CLCA1: variants seen among roughly 807,000 people sequenced by gnomAD.
The protein encoded by CLCA1 is calcium-activated chloride channel regulator 1.
Under a neutral mutation model 85.6 loss-of-function variants are expected in CLCA1, and 59 were observed. The observed-to-expected ratio is 0.69, with a 90% CI of 0.56 to 0.86. CLCA1 has a LOEUF of 0.86. Ranked by LOEUF, CLCA1 falls within the 40% of genes least tolerant of loss-of-function variation. CLCA1 has a pLI of 0.00. For missense variants in CLCA1, 1,022 were observed against 1,101.4 expected (o/e 0.93, Z 1.02); for synonymous variants, 396 against 398.3 (o/e 0.99, Z 0.07).
intron 11 of CLCA1, among the ~76,000 whole-genome samples, 158 bp downstream of exon 11, chr1:86,494,606 A>G (rs922588936): frequency 1.3e-5 from 2 of 152,218 alleles, no homozygotes; most frequent in East Asian, 3.8e-4. Context: ...CAATTCCTAC[A>G]TTTCAAAATG....
At position 86,500,052 on chromosome 1, in the gene CLCA1, A is replaced by T; in HGVS notation, c.*7A>T. On this transcript the variant is annotated 3_prime_UTR_variant, in exon 14 of 14. Coordinates refer to ENST00000394711, the MANE Select transcript of CLCA1 (RefSeq NM_001285.4). ...GCAGCTGTCAATAGCCTAGGGCTGA[A>T]TTTTTGTCAGATAAATAAAATAAAT... The T allele has an allele frequency of 6.4e-7, 1 of 1,550,734 alleles. No individual in the cohort carries two copies. The highest frequency in any genetic ancestry group is 8.7e-7 in the Non-Finnish European group (1 of 1,143,308).
chr1:86,469,590 A>T (rs577871187), intron 1 of CLCA1, among the ~76,000 whole-genome samples: 1 of 152,188 alleles, frequency 6.6e-6, no homozygotes, highest in Non-Finnish European at 1.5e-5. Context: ...TGATATAAGA[A>T]CAACCCTGAC....
intron 5 of CLCA1, among the ~76,000 whole-genome samples, chr1:86,484,080 T>G (rs1185408664): frequency 6.6e-6 from 1 of 152,108 alleles, no homozygotes; most frequent in East Asian, 1.9e-4. Context: ...GAGGAAACCA[T>G]CTCGATGATC....
intron 11 of CLCA1, among the ~76,000 whole-genome samples, chr1:86,494,774 CACAT>C (rs907763595): frequency 4.6e-5 from 7 of 152,162 alleles, no homozygotes; most frequent in Non-Finnish European, 8.8e-5. Context: ...TTTGTATATA[CACAT>C]ACATACATAC....
In CLCA1 at chr1:86,473,427, C is replaced by G. The variant is rs1190612533; in HGVS notation, c.173C>G (p.Thr58Ser). Residue 58 changes from threonine to serine, a missense_variant, in exon 2 of 14, where the codon ACC (threonine) becomes AGC (serine). Transcript: ENST00000394711. Reference sequence around the variant, plus strand: ...TCTTTTTCTTCCCAGGACATGGTGACCCAGGCATCTCTGTATCTGCTTGAA... The same window carrying G: ...TCTTTTTCTTCCCAGGACATGGTGAGCCAGGCATCTCTGTATCTGCTTGAA... ...TLIQQIKDMVTQASLYLLEAT... is the reference protein window; with the variant it reads ...TLIQQIKDMVSQASLYLLEAT... The G allele has an allele frequency of 4.4e-6, 7 of 1,576,950 alleles. No homozygotes were observed. The African/African-American group carries it at 8.1e-5, about 18-fold the overall frequency.
chr1:86,494,105 G>T (rs1648208947), intron 10 of CLCA1, 82 bp from the exon 11 acceptor site: 14 of 1,484,338 alleles, frequency 9.4e-6, no homozygotes, highest in Non-Finnish European at 1.2e-5. Flanking sequence ...TATATCAGAG[G>T]GTTTTCCCGT....
At chr1:86,495,080 A>G (rs1648239301) in intron 11 of CLCA1, among the ~76,000 whole-genome samples, 1 of 152,060 alleles carries the variant, frequency 6.6e-6, no homozygotes, top group South Asian at 2.1e-4. Context: ...TGAAGCAAGT[A>G]ACCTTAATAG....
chr1:86,493,383 G>A lies in CLCA1; in HGVS notation c.1465-1G>A. 6.2e-7 allele frequency: 1 copy of A among 1,612,514 alleles called. No individual in the cohort carries two copies. The highest frequency in any genetic ancestry group is 8.5e-7 in the Non-Finnish European group (1 of 1,178,824). On this transcript the variant is annotated splice_acceptor_variant, in intron 9 of 13. Coordinates refer to ENST00000394711, the MANE Select transcript of CLCA1 (RefSeq NM_001285.4). LOFTEE classifies it high-confidence loss of function. ...AAAGTAAGAGCTGTTTTTCTTAACA[G>A]CTTGAGAGTAAGGGATTAACCCTCC... is the stretch of plus-strand genomic sequence containing the variant.
rs375828178 is a variant in CLCA1, at chr1:86,468,986, G to T, written c.15G>T (p.Lys5Asn). The T allele has an allele frequency of 5.7e-5, 92 of 1,607,210 alleles. No individual in the cohort carries two copies. The highest frequency in any genetic ancestry group is 1.7e-4 in the Middle Eastern group (1 of 6,048). MGPFKSSVFILILHL... is the reference protein window; with the variant it reads MGPFNSSVFILILHL... Reference sequence around the variant, plus strand: ...GATGTACAGCAATGGGGCCATTTAAGAGTTCTGTGTTCATCTTGATTCTTC... The same window carrying T: ...GATGTACAGCAATGGGGCCATTTAATAGTTCTGTGTTCATCTTGATTCTTC... The change falls in exon 1 of 14, where the codon AAG (lysine) becomes AAT (asparagine). Residue 5 changes from lysine to asparagine, a missense_variant. Lys to Asn is a moderately conservative substitution (Grantham distance 94). Transcript: ENST00000394711.
chr1:86,499,537 A>G, intron 13 of CLCA1, 117 bp from the exon 14 acceptor site: 2 of 649,164 alleles, frequency 3.1e-6, no homozygotes, highest in African/African-American at 1.8e-5. Flanking sequence ...TTATGGGGTG[A>G]TGATATAATT....
In CLCA1 at chr1:86,491,559, T is replaced by C. The variant is rs183853201; in HGVS notation, c.1464+188T>C. On this transcript the variant is annotated intron_variant, in intron 9 of 13. Transcript: ENST00000394711. Reference sequence around the variant, plus strand: ...CTACTCATTTAAACAAGGCAATTAGTGTCTACTTGTTTGGAAGCAATACCA... The same window carrying C: ...CTACTCATTTAAACAAGGCAATTAGCGTCTACTTGTTTGGAAGCAATACCA... Among the ~76,000 whole-genome samples, 284 of 152,342 alleles carry C rather than the reference T, an allele frequency of 1.9e-3. 1 individual carries two copies. Among genetic ancestry groups the C allele is most frequent in the African/African-American group, 6.5e-3 (272 of 41,588 alleles).
At chr1:86,469,492 C>T (rs1647439480) in intron 1 of CLCA1, among the ~76,000 whole-genome samples, 1 of 152,160 alleles carries the variant, frequency 6.6e-6, no homozygotes, top group Non-Finnish European at 1.5e-5. Flanking sequence ...CCTGATTTTA[C>T]CCTTGGCACG....
At chr1:86,489,358 A>G (rs1648075787) in intron 8 of CLCA1, among the ~76,000 whole-genome samples, 188 bp downstream of exon 8, 1 of 152,200 alleles carries the variant, frequency 6.6e-6, no homozygotes, top group African/African-American at 2.4e-5. Flanking sequence ...CTTTGTGTCT[A>G]GGACTAAGGC....
intron 9 of CLCA1, 95 bp downstream of exon 9, chr1:86,491,466 C>G (rs1240852108): frequency 1.5e-5 from 11 of 729,694 alleles, no homozygotes; most frequent in Non-Finnish European, 2.5e-5. Context: ...TTCCACTCTT[C>G]TGGTACTGAA....
intron 7 of CLCA1, among the ~76,000 whole-genome samples, chr1:86,488,586 G>A (rs1244475526): frequency 4.6e-5 from 7 of 152,162 alleles, no homozygotes; most frequent in African/African-American, 1.7e-4. Context: ...TATCATATAA[G>A]TTAAAGTCTG....
At chr1:86,475,071 A>C (rs1647606595) in intron 3 of CLCA1, among the ~76,000 whole-genome samples, 1 of 152,172 alleles carries the variant, frequency 6.6e-6, no homozygotes, top group South Asian at 2.1e-4. Context: ...CACCTCCATA[A>C]CAGGAACAGA....
At chr1:86,488,082 G>A (rs555984630) in intron 7 of CLCA1, among the ~76,000 whole-genome samples, 4 of 152,136 alleles carry the variant, frequency 2.6e-5, no homozygotes, top group African/African-American at 4.8e-5. Flanking sequence ...TGAGTGAGGC[G>A]GAAACCTCCT....
At position 86,498,597 on chromosome 1, in the gene CLCA1, A is replaced by G. The variant is rs771725612; in HGVS notation, c.2139A>G (p.Arg713=). The change falls in exon 13 of 14, where the codon AGA becomes AGG. Residue 713 remains arginine (R), a synonymous_variant. Coordinates refer to ENST00000394711, the MANE Select transcript of CLCA1 (RefSeq NM_001285.4). ...ATGAAATACAATGGAATCCACCAAGACCTGAAATTAATAAGGATGATGTTC... is the reference window on the plus strand; with the variant it reads ...ATGAAATACAATGGAATCCACCAAGGCCTGAAATTAATAAGGATGATGTTC... The part of the protein sequence containing the change: ...ENDEIQWNPP[R]PEINKDDVQH... 21 of 1,613,612 alleles carry G rather than the reference A, an allele frequency of 1.3e-5. No homozygotes were observed. The Admixed American group carries it at 3.5e-4, about 27-fold the overall frequency.
At chr1:86,499,145 G>C (rs910920350) in intron 13 of CLCA1, among the ~76,000 whole-genome samples, 3 of 152,206 alleles carry the variant, frequency 2.0e-5, no homozygotes, top group Non-Finnish European at 4.4e-5. Flanking sequence ...TGTCTGCAGA[G>C]CAGAGCTCTT....
Sources: gnomAD v4.1 joint callset for allele counts (sites outside exome capture counted in the v4.1 genomes callset) on GRCh38, gnomAD v4.1.1 for gene constraint, MANE v1.5 for transcripts, NCBI Gene and HGNC (gene_info 2026-07-23, HGNC 2026-07-21) for gene names.